PCDHA4: variants seen among roughly 807,000 people sequenced by gnomAD.
PCDHA4 encodes the protein protocadherin alpha-4.
Under a neutral mutation model 61.4 loss-of-function variants are expected in PCDHA4, and 49 were observed. The observed-to-expected ratio is 0.80, with a 90% CI of 0.63 to 1.01. PCDHA4 has a LOEUF of 1.01. PCDHA4 is among the 50% of genes least tolerant of loss of function. The pLI, the probability that PCDHA4 is intolerant of heterozygous loss-of-function variation, is 0.00. For missense variants in PCDHA4, 1,254 were observed against 1,235.8 expected, an observed-to-expected ratio of 1.01 and a Z score of -0.22; for synonymous variants, 590 against 550.3, an observed-to-expected ratio of 1.07 and a Z score of -1.01.
At chr5:140,883,945 C>T in intron 1 of PCDHA4, 1 of 1,613,378 alleles carries the variant, frequency 6.2e-7, no homozygotes, top group Non-Finnish European at 8.5e-7. Context: ...TGGACGAGAA[C>T]GACAACGCTC....
At chr5:141,007,019 A>G (rs1230035062) in intron 3 of PCDHA4, among the ~76,000 whole-genome samples, 1 of 152,192 alleles carries the variant, frequency 6.6e-6, no homozygotes, top group African/African-American at 2.4e-5. Flanking sequence ...CAGCTTATTC[A>G]TATGGTATTT....
intron 3 of PCDHA4, among the ~76,000 whole-genome samples, chr5:140,991,007 G>C (rs2153892777): frequency 6.6e-6 from 1 of 152,280 alleles, no homozygotes; most frequent in South Asian, 2.1e-4. Flanking sequence ...ATTGAGAACT[G>C]TGATAAGCAC....
In PCDHA4 at chr5:140,807,244, T is replaced by C; in HGVS notation, c.57T>C (p.Leu19=). 1 of 1,614,190 alleles carries C rather than the reference T, an allele frequency of 6.2e-7. No individual in the cohort carries two copies. The highest frequency in any genetic ancestry group is 8.5e-7 in the Non-Finnish European group (1 of 1,180,048). ...CCCGGCGTCTGCTGCTCTTACTTCT[T>C]CTCCTCGCAGCCTGGGAGGCAGGGA... The part of the protein sequence containing the change: ...QESRRLLLLL[L]LLAAWEAGNG... The change falls in exon 1 of 4, where the codon CTT becomes CTC. Residue 19 remains leucine (L), a synonymous_variant. Transcript: ENST00000530339.
chr5:140,852,162 G>A (rs1421376146), intron 1 of PCDHA4: 3 of 836,824 alleles, frequency 3.6e-6, no homozygotes, highest in Non-Finnish European at 4.4e-6. Flanking sequence ...CTTGAGAATA[G>A]AGCCACAAAA....
Position 140,848,325 on chromosome 5 carries a change from T to C in PCDHA4, c.2385+38753T>C, listed in dbSNP as rs1279729115. On this transcript the variant is annotated intron_variant, in intron 1 of 3. Transcript: ENST00000530339. Reference sequence around the variant, plus strand: ...TGTCACTCTTTGCCGCGATGTTCTCTCTGAATCCAGACAAATACAGCCCTT... The same window carrying C: ...TGTCACTCTTTGCCGCGATGTTCTCCCTGAATCCAGACAAATACAGCCCTT... The C allele has an allele frequency of 5.0e-6, 4 of 803,094 alleles. 1 individual carries two copies. The highest frequency in any genetic ancestry group is 2.0e-6 in the Non-Finnish European group (1 of 498,510). The allele number at this position is 803,094 out of a possible 1,614,324, so 49.7% of individuals were successfully genotyped here. A position where few individuals can be genotyped will look rare whatever the true frequency, so the allele number is the denominator to read the frequency against.
At chr5:140,926,964 C>T (rs149218057) in intron 1 of PCDHA4, 1 of 1,606,346 alleles carries the variant, frequency 6.2e-7, no homozygotes, top group Non-Finnish European at 8.5e-7. Flanking sequence ...AGCTCGAGTA[C>T]TCAGTGCCGG....
In PCDHA4 at chr5:140,808,083, C is replaced by T. The variant is rs1764094989; in HGVS notation, c.896C>T (p.Thr299Ile). The T allele has an allele frequency of 1.2e-6, 2 of 1,613,832 alleles. No homozygotes were observed. Among genetic ancestry groups the T allele is most frequent in the African/African-American group, 2.7e-5 (2 of 74,926 alleles). Residue 299 changes from threonine (T) to isoleucine (I), a missense_variant, in exon 1 of 4, where the codon ACT (threonine) becomes ATT (isoleucine). Physicochemically the swap from Thr to Ile is moderately conservative, Grantham distance 89 (BLOSUM62 -1). Transcript: ENST00000530339. ...TCCAAGTTTCACATAGATCCAATTA[C>T]TGGACAAATTATTGTAAAGGGATAT... Reference protein sequence around the residue: ...VKSKFHIDPITGQIIVKGYID... With the variant: ...VKSKFHIDPIIGQIIVKGYID...
intron 1 of PCDHA4, chr5:140,823,102 G>A: frequency 1.2e-6 from 2 of 1,614,066 alleles, no homozygotes; most frequent in Non-Finnish European, 1.7e-6. Flanking sequence ...CGTGTCTGTG[G>A]AAGTGGCCGA....
At chr5:140,927,993 A>G (rs782756882) in intron 1 of PCDHA4, 66 of 1,614,068 alleles carry the variant, frequency 4.1e-5, no homozygotes, top group Non-Finnish European at 5.4e-5. Flanking sequence ...TAAAGGATGA[A>G]GACCTCGATT....
At chr5:140,876,143 G>A in intron 1 of PCDHA4, 1 of 1,613,870 alleles carries the variant, frequency 6.2e-7, no homozygotes, top group South Asian at 1.1e-5. Flanking sequence ...GAACTAACAG[G>A]GTCTGTCCAG....
intron 1 of PCDHA4, chr5:140,876,989 G>A (rs781957201): frequency 6.2e-7 from 1 of 1,612,664 alleles, no homozygotes. Context: ...GCACTGTCGA[G>A]CTACGTGTCG....
chr5:140,993,546 G>A (rs1013720873), intron 3 of PCDHA4, among the ~76,000 whole-genome samples: 4 of 151,434 alleles, frequency 2.6e-5, no homozygotes, highest in Non-Finnish European at 5.9e-5. Context: ...AGATAGAGAA[G>A]TGAAGTATAT....
intron 1 of PCDHA4, among the ~76,000 whole-genome samples, chr5:140,955,283 A>G (rs1255959484): frequency 6.6e-6 from 1 of 151,774 alleles, no homozygotes; most frequent in African/African-American, 2.4e-5. Context: ...CCATATTGAT[A>G]TGGTTTGGCT....
chr5:140,845,092 C>G (rs145327720), intron 1 of PCDHA4, among the ~76,000 whole-genome samples: 1 of 149,560 alleles, frequency 6.7e-6, no homozygotes, highest in South Asian at 2.1e-4. Flanking sequence ...GTTTATTTTA[C>G]AGTTCTCTTA....
chr5:140,870,206 T>G (rs1554163904), intron 1 of PCDHA4: 2 of 1,614,182 alleles, frequency 1.2e-6, no homozygotes, highest in Admixed American at 3.3e-5. Flanking sequence ...AGCACGGTCA[T>G]TGCCCTGATC....
rs2150482959 is a variant in PCDHA4, at chr5:140,850,410, G to C, written c.2385+40838G>C. The C allele has an allele frequency of 5.8e-5, 93 of 1,597,818 alleles. 8 individuals carry two copies. The highest frequency in any genetic ancestry group is 7.6e-5 in the Non-Finnish European group (89 of 1,167,718). On this transcript the variant is annotated intron_variant, in intron 1 of 3. Coordinates refer to ENST00000530339, the MANE Select transcript of PCDHA4 (RefSeq NM_018907.4). ...GATCAGCACAACGCGTGCCCTGGAC[G>C]AAACGGACGCACCGCGCCAGCGCCT...
At chr5:140,823,721 T>C in intron 1 of PCDHA4, 1 of 1,613,916 alleles carries the variant, frequency 6.2e-7, no homozygotes, top group African/African-American at 1.3e-5. Flanking sequence ...CTTCTGGTGC[T>C]GGTGAAGGAC....
chr5:140,930,567 C>T (rs1192022171), intron 1 of PCDHA4: 11 of 152,480 alleles, frequency 7.2e-5, no homozygotes, highest in African/African-American at 2.2e-4. Context: ...TGAAGCAATT[C>T]TACGGTATTA....
chr5:140,876,378 T>A, intron 1 of PCDHA4: 1 of 1,613,948 alleles, frequency 6.2e-7, no homozygotes, highest in Non-Finnish European at 8.5e-7. Context: ...CAGGTGAAAT[T>A]AGAATTTATG....
Sources: allele counts gnomAD v4.1 joint callset (sites outside exome capture counted in the v4.1 genomes callset), GRCh38; gene constraint gnomAD v4.1.1; transcripts MANE v1.5; gene names NCBI Gene and HGNC (gene_info 2026-07-23, HGNC 2026-07-21).